SMG6: variants seen among roughly 807,000 people sequenced by gnomAD.
The protein encoded by SMG6 is SMG6 nonsense mediated mRNA decay factor, also known as telomerase-binding protein EST1A.
In SMG6, 66 loss-of-function variants were observed where a neutral mutation model predicts 142.2. The observed-to-expected ratio is 0.46, with a 90% CI of 0.38 to 0.57. SMG6 has a LOEUF of 0.57. SMG6 is among the 20% of genes least tolerant of loss of function. The pLI is 0.00. For synonymous variants in SMG6, 779 were observed against 702.4 expected (o/e 1.11, Z -1.72); for missense variants, 1,793 against 1,832.0 (o/e 0.98, Z 0.39).
chr17:2,148,873 T>A (rs1240667672), intron 13 of SMG6, among the ~76,000 whole-genome samples: 3 of 142,412 alleles, frequency 2.1e-5, no homozygotes, highest in Non-Finnish European at 3.1e-5. Flanking sequence ...AAAAAAAAAA[T>A]TCAGAGAGAA....
rs1234111185 is a variant in SMG6 at position 2,256,215 on chromosome 17, AAAAAG to A, written c.2662-11501_2662-11497del. The stretch of plus-strand genomic sequence containing the variant: ...AAATAAATAAATAAGAAGAAAAAAA[AAAAAG>A]AAAACTTAGGGTTTTTTTGAGGGGT... On this transcript the variant is annotated intron_variant, in intron 8 of 18. Coordinates refer to ENST00000263073, the MANE Select transcript of SMG6 (RefSeq NM_017575.5). 11 of 152,732 alleles carry A rather than the reference AAAAAG, an allele frequency of 7.2e-5. No homozygotes were observed. The East Asian group carries it at 2.1e-3, about 29-fold the overall frequency. 9.5% of individuals were successfully genotyped at this position (152,732 alleles called of 1,614,324 possible).
At chr17:2,211,764 T>TA (rs2072872206) in intron 10 of SMG6, among the ~76,000 whole-genome samples, 2 of 151,876 alleles carry the variant, frequency 1.3e-5, no homozygotes, top group Admixed American at 6.6e-5. Flanking sequence ...AGAAGGAATA[T>TA]ACATTCTGTT....
chr17:2,271,037 C>T (rs1393772666), intron 8 of SMG6, among the ~76,000 whole-genome samples: 1 of 151,600 alleles, frequency 6.6e-6, no homozygotes, highest in Non-Finnish European at 1.5e-5. Flanking sequence ...TGGTAGCTCA[C>T]ACCTGTATCC....
At position 2,237,543 on chromosome 17, in the gene SMG6, C is replaced by G. The variant is rs1040792907; in HGVS notation, c.2724-906G>C. The G allele has an allele frequency of 4.1e-6, 4 of 985,362 alleles. No homozygotes were observed. The African/African-American group carries it at 7.0e-5, about 17-fold the overall frequency. The allele number at this position is 985,362 out of a possible 1,614,324, so 61.0% of individuals were successfully genotyped here. ...TCAGTTCTTCGTGTGTTGCCGTCCT[C>G]CTCCCTCTCACAAGGCTCTGCTCAT... On this transcript the variant is annotated intron_variant, in intron 9 of 18. Coordinates refer to ENST00000263073, the MANE Select transcript of SMG6 (RefSeq NM_017575.5).
intron 16 of SMG6, among the ~76,000 whole-genome samples, chr17:2,066,907 C>T (rs4790870): frequency 2.0e-5 from 3 of 152,062 alleles, no homozygotes; most frequent in East Asian, 3.9e-4. Flanking sequence ...GGCTTCTCCA[C>T]GCTGGGGTCA....
Position 2,186,671 on chromosome 17 carries a change from C to T in SMG6, c.3147G>A (p.Leu1049=). The change falls in exon 12 of 19, where the codon CTG becomes CTA. Residue 1049 remains leucine, a synonymous_variant. Coordinates refer to ENST00000263073, the MANE Select transcript of SMG6 (RefSeq NM_017575.5). ...TWNPPPTSLD[L]PSHVAVDVWS... is the part of the protein sequence containing the mutation. ...TGGGCAGGTCAACTCACTGCGAGGG[C>T]AGATCCAGGGATGTGGGAGGAGGAT... The T allele has an allele frequency of 6.2e-7, 1 of 1,614,194 alleles. No individual in the cohort carries two copies.
chr17:2,245,186 C>T (rs2073901857), intron 8 of SMG6, among the ~76,000 whole-genome samples: 1 of 152,192 alleles, frequency 6.6e-6, no homozygotes, highest in African/African-American at 2.4e-5. Flanking sequence ...AGGTAACCCA[C>T]CACTAACTAG....
chr17:2,135,256 T>C (rs2070256786), intron 13 of SMG6, among the ~76,000 whole-genome samples: 1 of 152,260 alleles, frequency 6.6e-6, no homozygotes, highest in Non-Finnish European at 1.5e-5. Flanking sequence ...GATAAATGTA[T>C]ACATGTGGAA....
At chr17:2,150,838 C>A (rs1015599479) in intron 13 of SMG6, among the ~76,000 whole-genome samples, 1 of 152,102 alleles carries the variant, frequency 6.6e-6, no homozygotes, top group Non-Finnish European at 1.5e-5. Flanking sequence ...CTGTGAAATA[C>A]CCTTTCCCCC....
chr17:2,268,634 G>A (rs577419135), intron 8 of SMG6, among the ~76,000 whole-genome samples: 9 of 152,166 alleles, frequency 5.9e-5, no homozygotes, highest in African/African-American at 9.7e-5. Context: ...AAATTAGGCC[G>A]GGAGCGGTGG....
chr17:2,149,419 TA>T (rs1229494858), intron 13 of SMG6, among the ~76,000 whole-genome samples: 1 of 150,258 alleles, frequency 6.7e-6, no homozygotes, highest in African/African-American at 2.5e-5. Flanking sequence ...TCATCACAAT[TA>T]AAAAAATAGA....
At position 2,218,366 on chromosome 17, in the gene SMG6, G is replaced by A. The variant is rs2073078613; in HGVS notation, c.2869+18126C>T. Among the ~76,000 whole-genome samples, 6 of 152,040 alleles carry A rather than the reference G, an allele frequency of 3.9e-5. No individual in the cohort carries two copies. The South Asian group carries it at 8.3e-4, about 21-fold the overall frequency. ...AGATCGAGACCATCCTGGCTAACAC[G>A]GTGAAATCCCGTCTCTACTAAAAAT... On this transcript the variant is annotated intron_variant, in intron 10 of 18. Coordinates refer to ENST00000263073, the MANE Select transcript of SMG6 (RefSeq NM_017575.5).
chr17:2,179,663 A>C (rs1488332713), intron 12 of SMG6, among the ~76,000 whole-genome samples: 1 of 152,180 alleles, frequency 6.6e-6, no homozygotes, highest in East Asian at 1.9e-4. Flanking sequence ...ATATAGCATC[A>C]GAATGCGAAG....
rs1036498406 is a variant in SMG6, at chr17:2,299,516, C to T, written c.1237G>A (p.Ala413Thr). ...GAATTGACAGATAGGGTGGTATGGG[C>T]AGGCAAAATCAGAATGCCACGACCA... is the stretch of plus-strand genomic sequence containing the variant. ...GRGRGILILP[A>T]HTTLSVNSAG... The change falls in exon 2 of 19, where the codon GCC becomes ACC. Residue 413 changes from alanine to threonine, a missense_variant. Physicochemically the swap from Ala to Thr is moderately conservative, Grantham distance 58 (BLOSUM62 0). Transcript: ENST00000263073. This position sits in a 1 kb window ranked among gnomAD's most constrained non-coding sequence, Gnocchi z 4.3. The T allele has an allele frequency of 6.2e-7, 1 of 1,614,028 alleles. No homozygotes were observed. Among genetic ancestry groups the T allele is most frequent in the African/African-American group, 1.3e-5 (1 of 74,900 alleles).
chr17:2,273,234 G>C (rs11872068), intron 8 of SMG6, among the ~76,000 whole-genome samples: 2 of 151,820 alleles, frequency 1.3e-5, no homozygotes, highest in Admixed American at 6.6e-5. Flanking sequence ...TTATATAACT[G>C]GTCAGGTGTG....
chr17:2,247,757 T>A (rs1485746367), intron 8 of SMG6, among the ~76,000 whole-genome samples: 2 of 151,736 alleles, frequency 1.3e-5, no homozygotes, highest in Non-Finnish European at 2.9e-5. Flanking sequence ...CACCCCAGCC[T>A]AGGGGACAGA....
At chr17:2,088,762 A>AG (rs2068634662) in intron 13 of SMG6, 3 of 985,458 alleles carry the variant, frequency 3.0e-6, no homozygotes, top group Non-Finnish European at 3.6e-6. Context: ...CAGAATGTCC[A>AG]GGGCTTGCCC....
At chr17:2,171,732 CTTTT>C (rs370221402) in intron 13 of SMG6, among the ~76,000 whole-genome samples, 1 of 138,212 alleles carries the variant, frequency 7.2e-6, no homozygotes, top group Non-Finnish European at 1.6e-5. Flanking sequence ...GGAATTTTTA[CTTTT>C]TTTTTTTTTT....
intron 8 of SMG6, among the ~76,000 whole-genome samples, chr17:2,253,576 G>A (rs1346684181): frequency 6.6e-6 from 1 of 152,094 alleles, no homozygotes; most frequent in Non-Finnish European, 1.5e-5. Flanking sequence ...GAGCTAAGAG[G>A]TGAAGATGGG....
Sources: allele counts gnomAD v4.1 joint callset (sites outside exome capture counted in the v4.1 genomes callset), GRCh38; gene constraint gnomAD v4.1.1; non-coding constraint Gnocchi (gnomAD v3.1); transcripts MANE v1.5; gene names NCBI Gene and HGNC (gene_info 2026-07-23, HGNC 2026-07-21).